OR2T3: variants seen among roughly 807,000 people sequenced by gnomAD.
OR2T3 encodes olfactory receptor 2T3.
For missense variants in OR2T3, 159 were observed against 396.3 expected (o/e 0.40, Z 5.08); for synonymous variants, 66 against 157.4 (o/e 0.42, Z 4.35).
Position 248,474,075 on chromosome 1 carries a change from C to A in OR2T3, c.725C>A (p.Ala242Asp), listed in dbSNP as rs759368840. 1.2e-6 allele frequency: 2 copies of A among 1,609,114 alleles called. No homozygotes were observed. Among genetic ancestry groups the A allele is most frequent in the Admixed American group, 1.7e-5 (1 of 59,866 alleles). The change falls in exon 1 of 1, where the codon GCC becomes GAC. Residue 242 changes from alanine to aspartate, a missense_variant. Physicochemically the swap from Ala to Asp is moderately radical, Grantham distance 126 (BLOSUM62 -2). Coordinates refer to ENST00000359594, the MANE Select transcript of OR2T3 (RefSeq NM_001005495.1). The stretch of plus-strand genomic sequence containing the variant: ...AATTCTGCCGCCGGCCACAGGAAGG[C>A]CTTGGCCACCTGCTCCTCCCACATG... The part of the protein sequence containing the change: ...RMNSAAGHRK[A>D]LATCSSHMII...
Position 248,474,056 on chromosome 1 carries a change from G to C in OR2T3, c.706G>C (p.Ala236Pro), listed in dbSNP as rs1280818610. 3.7e-6 allele frequency: 6 copies of C among 1,602,930 alleles called. 1 individual carries two copies. The highest frequency in any genetic ancestry group is 5.1e-6 in the Non-Finnish European group (6 of 1,172,536). ...ILHLIHRMNS[A>P]AGHRKALATC... Reference sequence around the variant, plus strand: ...GCATCTCATCCACAGGATGAATTCTGCCGCCGGCCACAGGAAGGCCTTGGC... The same window carrying C: ...GCATCTCATCCACAGGATGAATTCTCCCGCCGGCCACAGGAAGGCCTTGGC... The change falls in exon 1 of 1, where the codon GCC becomes CCC. Residue 236 changes from alanine to proline, a missense_variant. Transcript: ENST00000359594.
Sources: allele counts gnomAD v4.1 joint callset, GRCh38; gene constraint gnomAD v4.1.1; transcripts MANE v1.5; gene names NCBI Gene and HGNC (gene_info 2026-07-23, HGNC 2026-07-21).